Variants in SKAP2 observed in about 807,000 individuals in gnomAD.
SKAP2 encodes the protein src kinase associated phosphoprotein 2, also known as src kinase-associated phosphoprotein 2.
A neutral mutation model predicts 54.9 loss-of-function variants in SKAP2; 28 were observed. That is an observed-to-expected ratio of 0.51 (90% CI 0.38 to 0.70). SKAP2 has a LOEUF of 0.70. SKAP2 is among the 30% of genes least tolerant of loss of function. The probability of loss-of-function intolerance (pLI) is 0.00; values close to 1 mark genes in which losing one functional copy is unlikely to be tolerated. For missense variants in SKAP2, 356 were observed against 424.1 expected (o/e 0.84, Z 1.41); for synonymous variants, 137 against 134.3 (o/e 1.02, Z -0.14).
chr7:26,664,102 G>T (rs1021630480), downstream of SKAP2, among the ~76,000 whole-genome samples: 4 of 152,122 alleles, frequency 2.6e-5, no homozygotes, highest in African/African-American at 7.2e-5. Flanking sequence ...ATAAGCATTT[G>T]GTTTTAATTC....
intron 3 of SKAP2, among the ~76,000 whole-genome samples, chr7:26,853,376 C>T (rs765461507): frequency 3.3e-5 from 5 of 152,108 alleles, no homozygotes; most frequent in Non-Finnish European, 7.4e-5. Flanking sequence ...ACATCATAAC[C>T]TATGAATAAG....
intron 9 of SKAP2, among the ~76,000 whole-genome samples, chr7:26,697,464 T>C (rs566041843): frequency 1.3e-5 from 2 of 152,214 alleles, no homozygotes; most frequent in African/African-American, 2.4e-5. Context: ...TCTTGTCCCA[T>C]TGAATTATTC....
At chr7:26,739,856 T>C (rs1255729601) in intron 5 of SKAP2, 31 bp downstream of exon 5, 3 of 1,490,718 alleles carry the variant, frequency 2.0e-6, no homozygotes, top group Non-Finnish European at 2.8e-6. Context: ...TGAAATTATT[T>C]TTACATTTTT....
chr7:26,802,039 C>G (rs12532339), intron 4 of SKAP2, among the ~76,000 whole-genome samples: 45,356 of 151,876 alleles, frequency 0.3, 7,066 homozygotes, highest in Middle Eastern at 0.37. Context: ...AGACTCAGAA[C>G]AGCCAATGTT....
chr7:26,814,752 T>C (rs1457557797), intron 4 of SKAP2, among the ~76,000 whole-genome samples: 1 of 152,076 alleles, frequency 6.6e-6, no homozygotes, highest in Admixed American at 6.6e-5. Context: ...ATAACTACTT[T>C]AAAACTTTCT....
intron 9 of SKAP2, among the ~76,000 whole-genome samples, chr7:26,713,843 C>A (rs546156145): frequency 3.0e-4 from 46 of 152,282 alleles, no homozygotes; most frequent in African/African-American, 1.0e-3. Flanking sequence ...TCGTGATCCA[C>A]CTGCCTCGGC....
intron 1 of SKAP2, 146 bp from the exon 2 acceptor site, chr7:26,855,036 T>G: frequency 3.7e-6 from 2 of 543,510 alleles, no homozygotes; most frequent in Admixed American, 7.2e-5. Flanking sequence ...AGCATAACAG[T>G]TGAAGTGTGT....
chr7:26,818,006 T>C (rs186129175), intron 4 of SKAP2, among the ~76,000 whole-genome samples: 2 of 152,252 alleles, frequency 1.3e-5, no homozygotes, highest in African/African-American at 4.8e-5. Context: ...AAAATGGCCA[T>C]ACTACCCAAA....
At chr7:26,689,616 T>C (rs1323544182) in intron 10 of SKAP2, among the ~76,000 whole-genome samples, 2 of 152,232 alleles carry the variant, frequency 1.3e-5, no homozygotes, top group Admixed American at 6.5e-5. Flanking sequence ...TAAGCTGCTG[T>C]CACTGGACTC....
At chr7:26,860,749 T>C (rs76173241) in intron 1 of SKAP2, among the ~76,000 whole-genome samples, 1 of 84,778 alleles carries the variant, frequency 1.2e-5, no homozygotes, top group Non-Finnish European at 2.5e-5. Context: ...CTATTTCAAA[T>C]AAATTGCACT....
intron 11 of SKAP2, among the ~76,000 whole-genome samples, chr7:26,676,168 C>T (rs1051608826): frequency 6.6e-6 from 1 of 152,092 alleles, no homozygotes; most frequent in Non-Finnish European, 1.5e-5. Context: ...TCACAGAATT[C>T]CCTTTATAAA....
chr7:26,843,968 C>G, intron 4 of SKAP2, 62 bp downstream of exon 4: 1 of 1,002,872 alleles, frequency 1.0e-6, no homozygotes, highest in Non-Finnish European at 1.5e-6. Flanking sequence ...ATAAAACTAC[C>G]ACCCATATAT....
chr7:26,849,599 C>T (rs995623780), intron 3 of SKAP2, among the ~76,000 whole-genome samples: 1 of 150,698 alleles, frequency 6.6e-6, no homozygotes, highest in Non-Finnish European at 1.5e-5. Flanking sequence ...GAAGGAGAAT[C>T]GCTTGAACCC....
At chr7:26,697,545 T>C (rs1263651272) in intron 9 of SKAP2, among the ~76,000 whole-genome samples, 2 of 152,324 alleles carry the variant, frequency 1.3e-5, no homozygotes, top group East Asian at 3.9e-4. Flanking sequence ...ACAAATTGTG[T>C]AATTCTAAAA....
At chr7:26,799,010 G>A (rs1177809495) in intron 4 of SKAP2, among the ~76,000 whole-genome samples, 2 of 147,966 alleles carry the variant, frequency 1.4e-5, no homozygotes, top group African/African-American at 2.5e-5. Context: ...AAGGAAGAAA[G>A]GAAGGGAAGG....
intron 4 of SKAP2, among the ~76,000 whole-genome samples, chr7:26,790,349 A>T (rs1783648454): frequency 6.6e-6 from 1 of 152,236 alleles, no homozygotes; most frequent in Non-Finnish European, 1.5e-5. Context: ...CGTTCACATC[A>T]AATGACTGAC....
chr7:26,863,357 TGA>T (rs900376039), intron 1 of SKAP2, among the ~76,000 whole-genome samples: 4 of 152,174 alleles, frequency 2.6e-5, no homozygotes, highest in East Asian at 1.9e-4. Context: ...TAAGCAATAC[TGA>T]GAGATAAATA....
Position 26,739,960 on chromosome 7 carries a change from G to A in SKAP2, c.312C>T (p.Ala104=). The change falls in exon 5 of 13, where the codon GCC becomes GCT. Residue 104 remains alanine (A), a synonymous_variant. Coordinates refer to ENST00000345317, the MANE Select transcript of SKAP2 (RefSeq NM_003930.5). ...DKDDEAPSDG[A]QFPPIAAQDL... ...CTTGTGCTGCAATTGGAGGAAACTG[G>A]GCTCCTATGAGAAGTTGGGGAGAGA... 1.2e-6 allele frequency: 2 copies of A among 1,607,666 alleles called. No individual in the cohort carries two copies. Among genetic ancestry groups the A allele is most frequent in the Non-Finnish European group, 1.7e-6 (2 of 1,177,378 alleles).
chr7:26,714,104 G>T (rs1214123093), intron 9 of SKAP2, among the ~76,000 whole-genome samples: 2 of 152,148 alleles, frequency 1.3e-5, no homozygotes, highest in Non-Finnish European at 2.9e-5. Context: ...AAACCAAACT[G>T]CCTGAGGATA....
Sources: gnomAD v4.1 joint callset for allele counts (sites outside exome capture counted in the v4.1 genomes callset) on GRCh38, gnomAD v4.1.1 for gene constraint, MANE v1.5 for transcripts, NCBI Gene and HGNC (gene_info 2026-07-23, HGNC 2026-07-21) for gene names.